The following TCF4 variants were observed in gnomAD, a reference collection of about 807,000 sequenced individuals.
TCF4 encodes the protein transcription factor 4, also known as SL3-3 enhancer factor 2.
In TCF4, 3 loss-of-function variants were observed where a neutral mutation model predicts 82.1. The ratio of observed to expected loss-of-function variants is 0.04; its 90% CI spans 0.02 to 0.09. TCF4 has a LOEUF of 0.09. Ranked by LOEUF, TCF4 falls within the 10% of genes least tolerant of loss-of-function variation. The probability of loss-of-function intolerance (pLI) is 1.00; values close to 1 mark genes in which losing one functional copy is unlikely to be tolerated. For missense variants in TCF4, 518 were observed against 852.7 expected, an observed-to-expected ratio of 0.61 and a Z score of 4.89; for synonymous variants, 276 against 309.6, an observed-to-expected ratio of 0.89 and a Z score of 1.14.
At chr18:55,274,140 A>G (rs2060979921) in intron 10 of TCF4, among the ~76,000 whole-genome samples, 1 of 152,206 alleles carries the variant, frequency 6.6e-6, no homozygotes, top group Non-Finnish European at 1.5e-5. Context: ...GAAGTGGAAA[A>G]TGATGGTGCA....
At chr18:55,626,945 G>A (rs1284612493) in intron 2 of TCF4, among the ~76,000 whole-genome samples, 2 of 152,028 alleles carry the variant, frequency 1.3e-5, no homozygotes, top group African/African-American at 2.4e-5. Context: ...TGAAATAATC[G>A]GGCACCAGCT....
intron 3 of TCF4, among the ~76,000 whole-genome samples, chr18:55,568,838 G>A (rs1408475160): frequency 6.6e-6 from 1 of 152,056 alleles, no homozygotes; most frequent in Non-Finnish European, 1.5e-5. Context: ...TAAAAATACT[G>A]AAGAAAATAT....
intron 3 of TCF4, among the ~76,000 whole-genome samples, chr18:55,576,255 T>C (rs2097527231): frequency 6.6e-6 from 1 of 152,128 alleles, no homozygotes; most frequent in South Asian, 2.1e-4. Flanking sequence ...CCAAAGCAGC[T>C]TCATTTGGCT....
chr18:55,407,854 A>G (rs969808461), intron 5 of TCF4, among the ~76,000 whole-genome samples: 4 of 152,120 alleles, frequency 2.6e-5, no homozygotes, highest in African/African-American at 9.7e-5. Context: ...CATCCATGGT[A>G]TCCTATTGTA....
intron 12 of TCF4, among the ~76,000 whole-genome samples, chr18:55,260,695 A>T (rs901394556): frequency 6.6e-6 from 1 of 152,072 alleles, no homozygotes; most frequent in Non-Finnish European, 1.5e-5. Context: ...AGTAGCTGGG[A>T]TTACAGGCAT....
chr18:55,589,201 G>C (rs2097678372), upstream of TCF4: 2 of 933,096 alleles, frequency 2.1e-6, no homozygotes, highest in Admixed American at 1.1e-4. Context: ...TATTTAATAG[G>C]TTGTCCCTTT....
chr18:55,288,432 C>G (rs1018182191), intron 8 of TCF4, among the ~76,000 whole-genome samples: 2 of 152,176 alleles, frequency 1.3e-5, no homozygotes, highest in Non-Finnish European at 2.9e-5. Context: ...AAGCAACTTG[C>G]TTAAAGTCAC....
At chr18:55,388,023 G>A (rs1420913853) in intron 6 of TCF4, among the ~76,000 whole-genome samples, 6 of 152,284 alleles carry the variant, frequency 3.9e-5, no homozygotes, top group Admixed American at 1.3e-4. Context: ...GCTACAAAGC[G>A]GCACTGGATG....
chr18:55,603,363 C>T lies in TCF4; in HGVS notation c.287-16227G>A, dbSNP rs12456348. ...TCTCAGAGGTACAGTTTATCCATAA[C>T]GATGAAGATTATTTTATTTGCTTCA... On this transcript the variant is annotated intron_variant, in intron 2 of 20. Transcript: ENST00000398339. Among the ~76,000 whole-genome samples the T allele has an allele frequency of 2.4e-3, 371 of 151,534 alleles. 9 individuals are homozygous for T. The highest frequency in any genetic ancestry group is 0.023 in the Admixed American group (338 of 14,994).
intron 10 of TCF4, 61 bp from the exon 11 acceptor site, chr18:55,270,024 T>C (rs1484581804): frequency 6.3e-7 from 1 of 1,598,900 alleles, no homozygotes; most frequent in Non-Finnish European, 8.6e-7. Flanking sequence ...GTGAGTTATT[T>C]TCAAATACTT....
chr18:55,434,751 C>T (rs1243085938), intron 5 of TCF4, among the ~76,000 whole-genome samples: 1 of 105,274 alleles, frequency 9.5e-6, no homozygotes, highest in Non-Finnish European at 2.1e-5. Context: ...TTCTGATCAC[C>T]TCTCAAGTAT....
At chr18:55,446,705 C>T (rs1170844367) in intron 5 of TCF4, among the ~76,000 whole-genome samples, 1 of 152,126 alleles carries the variant, frequency 6.6e-6, no homozygotes, top group Non-Finnish European at 1.5e-5. Flanking sequence ...CTTAGCCAGG[C>T]CAGGCGCGGT....
At chr18:55,446,501 G>C (rs1407558730) in intron 5 of TCF4, among the ~76,000 whole-genome samples, 1 of 152,172 alleles carries the variant, frequency 6.6e-6, no homozygotes, top group East Asian at 1.9e-4. Flanking sequence ...AGCAGATCTT[G>C]CTTCAAATCT....
chr18:55,635,703 C>T (rs550170506), exon 1 of TCF4: 1 of 1,548,638 alleles, frequency 6.5e-7, no homozygotes, highest in African/African-American at 1.4e-5. Context: ...TGGTTCCTAC[C>T]TCCAAGGGCC....
intron 3 of TCF4, among the ~76,000 whole-genome samples, chr18:55,481,722 C>CT (rs2096437042): frequency 6.6e-6 from 1 of 152,208 alleles, no homozygotes; most frequent in South Asian, 2.1e-4. Context: ...TCAATATATA[C>CT]TTCATTTTTA....
intron 3 of TCF4, among the ~76,000 whole-genome samples, chr18:55,522,768 A>G (rs1049407752): frequency 2.0e-5 from 3 of 152,134 alleles, no homozygotes; most frequent in Non-Finnish European, 4.4e-5. Flanking sequence ...TGCATGAGAA[A>G]CATGTATTAT....
intron 3 of TCF4, among the ~76,000 whole-genome samples, chr18:55,571,044 C>G (rs1336352454): frequency 6.6e-6 from 1 of 152,110 alleles, no homozygotes; most frequent in Non-Finnish European, 1.5e-5. Context: ...GCTGGACTTT[C>G]ATGTAACTCT....
chr18:55,443,410 G>A (rs1279554641), intron 5 of TCF4, among the ~76,000 whole-genome samples: 1 of 152,190 alleles, frequency 6.6e-6, no homozygotes, highest in African/African-American at 2.4e-5. Context: ...TCTATCATTA[G>A]TGTTAACCCG....
intron 16 of TCF4, among the ~76,000 whole-genome samples, chr18:55,234,004 A>T (rs1250586786): frequency 6.6e-6 from 1 of 152,022 alleles, no homozygotes; most frequent in Non-Finnish European, 1.5e-5. Context: ...ATGTTATCTA[A>T]GCGACTCCTA....
Sources: gnomAD v4.1 joint callset for allele counts (sites outside exome capture counted in the v4.1 genomes callset) on GRCh38, gnomAD v4.1.1 for gene constraint, MANE v1.5 for transcripts, NCBI Gene and HGNC (gene_info 2026-07-23, HGNC 2026-07-21) for gene names.